Variants in HACD3 observed in about 807,000 individuals in gnomAD.
HACD3 encodes the protein very-long-chain (3R)-3-hydroxyacyl-CoA dehydratase 3.
In HACD3, 30 loss-of-function variants were observed where a neutral mutation model predicts 55.2. The observed-to-expected ratio is 0.54, with a 90% CI of 0.41 to 0.74. The LOEUF is 0.74. HACD3 is among the 30% of genes least tolerant of loss of function. The pLI is 0.00. For missense variants in HACD3, 363 were observed against 440.1 expected, an observed-to-expected ratio of 0.82 and a Z score of 1.57; for synonymous variants, 141 against 151.7, an observed-to-expected ratio of 0.93 and a Z score of 0.52.
chr15:65,536,581 C>T (rs2071957539), intron 1 of HACD3, among the ~76,000 whole-genome samples: 1 of 151,994 alleles, frequency 6.6e-6, no homozygotes, highest in African/African-American at 2.4e-5. Flanking sequence ...ATGGTGAAAC[C>T]CCGTCTCTAC....
rs1051947026 is a variant in HACD3, at chr15:65,548,364, T to A, written c.88-3312T>A. On this transcript the variant is annotated intron_variant, in intron 1 of 10. Transcript: ENST00000261875. ...CTCTGCAAAAAATTTAAAAAAGATA[T>A]TAGCCAGGCATGGTGATGTGGACCT... Among the ~76,000 whole-genome samples, 9 of 151,962 alleles carry A rather than the reference T, an allele frequency of 5.9e-5. No homozygotes were observed. The South Asian group carries it at 1.9e-3, about 32-fold the overall frequency.
chr15:65,575,188 GTT>G (rs1247642156), intron 10 of HACD3, among the ~76,000 whole-genome samples: 7 of 137,230 alleles, frequency 5.1e-5, no homozygotes, highest in Admixed American at 2.2e-4. Context: ...GGACTTTTTA[GTT>G]TTTTTTTTTT....
chr15:65,561,888 G>A lies in HACD3; in HGVS notation c.422-886G>A, dbSNP rs952623532. ...TACGGTTCCCACAACCCGCTCCTGT[G>A]GTTTGATTGATTTGCTAGCGTGGCT... On this transcript the variant is annotated intron_variant, in intron 5 of 10. Transcript: ENST00000261875. Among the ~76,000 whole-genome samples the A allele has an allele frequency of 1.1e-4, 17 of 152,124 alleles. No individual in the cohort carries two copies. In the East Asian group the frequency reaches 2.5e-3, roughly 22 times the overall value.
chr15:65,548,998 A>G (rs749071122), intron 1 of HACD3, among the ~76,000 whole-genome samples: 1 of 152,148 alleles, frequency 6.6e-6, no homozygotes, highest in Non-Finnish European at 1.5e-5. Flanking sequence ...GGTAGCTGGG[A>G]CTATAGGTGC....
chr15:65,530,499 CT>C lies in HACD3; in HGVS notation c.-132del. ...GGCGCGGCCCGCGAGCGTGGGGTAT[CT>C]CGAGGTGCCGGGTTGCAGGCGCTCA... On this transcript the variant is annotated 5_prime_UTR_variant, in exon 1 of 11. Coordinates refer to ENST00000261875, the MANE Select transcript of HACD3 (RefSeq NM_016395.4). 1.4e-6 allele frequency: 1 copy of C among 739,606 alleles called. No homozygotes were observed. Among genetic ancestry groups the C allele is most frequent in the Non-Finnish European group, 2.1e-6 (1 of 485,338 alleles). The allele number at this position is 739,606 out of a possible 1,614,324, so 45.8% of individuals were successfully genotyped here.
chr15:65,535,843 C>T (rs1441339195), intron 1 of HACD3: 2 of 591,432 alleles, frequency 3.4e-6, no homozygotes, highest in Non-Finnish European at 6.1e-6. Context: ...AGGTACCTGC[C>T]TAGCTAATTT....
chr15:65,573,790 G>A (rs1422030266), intron 10 of HACD3, among the ~76,000 whole-genome samples: 2 of 151,922 alleles, frequency 1.3e-5, no homozygotes, highest in South Asian at 2.1e-4. Flanking sequence ...AAACTAATAC[G>A]TATCGATTTT....
At chr15:65,533,456 G>C (rs986533684) in intron 1 of HACD3, among the ~76,000 whole-genome samples, 2 of 152,176 alleles carry the variant, frequency 1.3e-5, no homozygotes, top group African/African-American at 4.8e-5. Flanking sequence ...TTTGGCCAAA[G>C]GGTGTTTGGT....
rs769214436 is a variant in HACD3, at chr15:65,554,936, G to GT, written c.182dup (p.Asp63ArgfsTer44). On this transcript the variant is annotated frameshift_variant, in exon 3 of 11. Transcript: ENST00000261875. LOFTEE classifies it high-confidence loss of function. The stretch of plus-strand genomic sequence containing the variant: ...ACAATGTCTATGAATTTCACCTGGA[G>GT]TTCTTAGACCTTGTGAAACCAGAGG... The GT allele has an allele frequency of 6.2e-7, 1 of 1,611,300 alleles. No homozygotes were observed. Among genetic ancestry groups the GT allele is most frequent in the Non-Finnish European group, 8.5e-7 (1 of 1,177,474 alleles).
rs199662967 is a variant in HACD3 at position 65,576,348 on chromosome 15, G to T, written c.1058G>T (p.Arg353Leu). Residue 353 changes from arginine to leucine, a missense_variant, in exon 11 of 11, where the codon CGC becomes CTC. By Grantham distance (102) the Arg-to-Leu change is moderately radical. Transcript: ENST00000261875. ...CACCTTTATAAACAGCGCAGACGGC[G>T]CTATGGACAAAAAAAGAAAAAGATC... ...FRHLYKQRRR[R>L]YGQKKKKIH is the part of the protein sequence containing the mutation. 6.2e-7 allele frequency: 1 copy of T among 1,602,720 alleles called. No individual in the cohort carries two copies.
At chr15:65,576,190 T>TA in intron 10 of HACD3, 113 bp from the exon 11 acceptor site, 1 of 1,469,500 alleles carries the variant, frequency 6.8e-7, no homozygotes, top group South Asian at 1.3e-5. Context: ...GCCGCTGCAA[T>TA]AAGCTTTTTG....
At chr15:65,567,922 GTTTC>G (rs201520863) in intron 7 of HACD3, among the ~76,000 whole-genome samples, 9,313 of 151,124 alleles carry the variant, frequency 0.062, 294 homozygotes, top group African/African-American at 0.089. Context: ...ATGGGTCATA[GTTTC>G]TTTCTTTTTT....
chr15:65,562,719 G>A, intron 5 of HACD3, 55 bp from the exon 6 acceptor site: 1 of 1,584,620 alleles, frequency 6.3e-7, no homozygotes. Flanking sequence ...TCATACACCT[G>A]TCTCCTGCTG....
At chr15:65,531,905 TCTC>T (rs1248005383) in intron 1 of HACD3, among the ~76,000 whole-genome samples, 1 of 152,058 alleles carries the variant, frequency 6.6e-6, no homozygotes, top group South Asian at 2.1e-4. Flanking sequence ...ATTGGAAACT[TCTC>T]CTTAACATCT....
chr15:65,557,931 A>T (rs993540912), intron 4 of HACD3, among the ~76,000 whole-genome samples: 5 of 129,510 alleles, frequency 3.9e-5, no homozygotes, highest in Admixed American at 9.5e-5. Flanking sequence ...CGCCATCATT[A>T]TGGGACTGTT....
intron 6 of HACD3, 39 bp downstream of exon 6, chr15:65,562,923 G>A (rs978538155): frequency 5.0e-6 from 8 of 1,604,816 alleles, no homozygotes; most frequent in Middle Eastern, 3.3e-4. Flanking sequence ...CCCTTTCTCA[G>A]TAGTTTGGCC....
At position 65,576,429 on chromosome 15, in the gene HACD3, T is replaced by TA. The variant is rs1401177853; in HGVS notation, c.*51dup. ...GCCAGTTTGAGCCTAATCTGATTCT[T>TA]ACAGTTTTACCTTCTTGAACCAATG... On this transcript the variant is annotated 3_prime_UTR_variant, in exon 11 of 11. Coordinates refer to ENST00000261875, the MANE Select transcript of HACD3 (RefSeq NM_016395.4). 3 of 1,521,036 alleles carry TA rather than the reference T, an allele frequency of 2.0e-6. No individual in the cohort carries two copies. Among genetic ancestry groups the TA allele is most frequent in the Admixed American group, 4.8e-5 (2 of 41,842 alleles). 94.2% of individuals were successfully genotyped at this position (1,521,036 alleles called of 1,614,324 possible). A position where few individuals can be genotyped will look rare whatever the true frequency, so the allele number is the denominator to read the frequency against.
intron 1 of HACD3, among the ~76,000 whole-genome samples, chr15:65,537,958 AATATATATATATATATATATAT>A: frequency 9.0e-5 from 1 of 11,164 alleles, no homozygotes. Context: ...AAAAAAAAAA[AATATATATATATATATATATAT>A]ATATATATAT....
intron 5 of HACD3, among the ~76,000 whole-genome samples, chr15:65,559,565 G>T (rs577749775): frequency 6.6e-6 from 1 of 151,278 alleles, no homozygotes; most frequent in South Asian, 2.1e-4. Context: ...TGCCCCAGGG[G>T]GTTCCCAGAG....
Sources: allele counts gnomAD v4.1 joint callset (sites outside exome capture counted in the v4.1 genomes callset), GRCh38; gene constraint gnomAD v4.1.1; transcripts MANE v1.5; gene names NCBI Gene and HGNC (gene_info 2026-07-23, HGNC 2026-07-21).